ZNF804A: variants seen among roughly 807,000 people sequenced by gnomAD.
ZNF804A encodes the protein zinc finger protein 804A.
ZNF804A carries 2 observed loss-of-function variants against 16.5 expected under a neutral mutation model. The ratio of observed to expected loss-of-function variants is 0.12; its 90% CI spans 0.05 to 0.38. The LOEUF is 0.38. Ranked by LOEUF, ZNF804A falls within the 10% of genes least tolerant of loss-of-function variation. ZNF804A has a pLI of 0.99. For synonymous variants in ZNF804A, 534 were observed against 489.6 expected (o/e 1.09, Z -1.20); for missense variants, 1,473 against 1,390.7 (o/e 1.06, Z -0.94).
At chr2:184,890,356 C>T (rs1029712970) in intron 2 of ZNF804A, among the ~76,000 whole-genome samples, 6 of 152,062 alleles carry the variant, frequency 3.9e-5, no homozygotes, top group African/African-American at 1.4e-4. Flanking sequence ...GCTCATTTGC[C>T]CTGGAGTCCT....
chr2:184,788,913 A>T (rs570984348), intron 1 of ZNF804A, among the ~76,000 whole-genome samples: 1 of 152,026 alleles, frequency 6.6e-6, no homozygotes, highest in South Asian at 2.1e-4. Flanking sequence ...GTTTTGTCTC[A>T]GTTCCTGGGA....
Position 184,937,180 on chromosome 2 carries a change from G to T in ZNF804A, c.1784G>T (p.Arg595Ile). 1 of 1,596,302 alleles carries T rather than the reference G, an allele frequency of 6.3e-7. No individual in the cohort carries two copies. The highest frequency in any genetic ancestry group is 1.7e-4 in the Middle Eastern group (1 of 5,924). ...GAATACTGGTTCCATAAAAGTAGAA[G>T]AAAGAAAAAAAGAAAAAAGTTATGT... ...THEYWFHKSR[R>I]KKKRKKLCQH... Residue 595 changes from arginine (R) to isoleucine (I), a missense_variant, in exon 4 of 4, where the codon AGA becomes ATA. Transcript: ENST00000302277.
intron 1 of ZNF804A, among the ~76,000 whole-genome samples, chr2:184,783,958 A>G (rs1301702605): frequency 6.6e-6 from 1 of 152,036 alleles, no homozygotes; most frequent in African/African-American, 2.4e-5. Flanking sequence ...TTTAGATTGA[A>G]TAAAATGTTA....
chr2:184,807,195 A>G (rs368503073), intron 1 of ZNF804A, among the ~76,000 whole-genome samples: 1 of 152,024 alleles, frequency 6.6e-6, no homozygotes, highest in East Asian at 1.9e-4. Context: ...CTGTCCTGTA[A>G]AAATAGAATG....
At chr2:184,791,420 T>A (rs1694538212) in intron 1 of ZNF804A, among the ~76,000 whole-genome samples, 1 of 152,202 alleles carries the variant, frequency 6.6e-6, no homozygotes, top group African/African-American at 2.4e-5. Flanking sequence ...TTTATGAAGT[T>A]TAGTTTGGCA....
chr2:184,655,207 C>T (rs754852111), intron 1 of ZNF804A, among the ~76,000 whole-genome samples: 8 of 152,140 alleles, frequency 5.3e-5, no homozygotes, highest in Non-Finnish European at 8.8e-5. Flanking sequence ...AGTGTGGCCA[C>T]GTTTTAGATA....
intron 1 of ZNF804A, among the ~76,000 whole-genome samples, chr2:184,668,668 A>G (rs1438054773): frequency 2.0e-5 from 3 of 151,996 alleles, no homozygotes; most frequent in South Asian, 2.1e-4. Context: ...TTGGAAAGTT[A>G]TACTACTTAA....
chr2:184,603,461 C>T (rs1691082099), intron 1 of ZNF804A, among the ~76,000 whole-genome samples: 1 of 152,022 alleles, frequency 6.6e-6, no homozygotes, highest in Admixed American at 6.5e-5. Context: ...CACTATTTGG[C>T]CTTTTGTTTT....
At chr2:184,733,322 G>A (rs1480769229) in intron 1 of ZNF804A, among the ~76,000 whole-genome samples, 3 of 152,092 alleles carry the variant, frequency 2.0e-5, no homozygotes, top group Admixed American at 6.6e-5. Context: ...TGATGTAATA[G>A]ATTACATTAA....
intron 1 of ZNF804A, among the ~76,000 whole-genome samples, chr2:184,753,813 C>T (rs903807295): frequency 6.6e-6 from 1 of 151,794 alleles, no homozygotes; most frequent in African/African-American, 2.4e-5. Flanking sequence ...TATAAGCTAA[C>T]ATGTGGATGA....
chr2:184,906,253 C>A (rs1215082193), intron 2 of ZNF804A, among the ~76,000 whole-genome samples: 2 of 152,076 alleles, frequency 1.3e-5, no homozygotes. Flanking sequence ...ACACAATATT[C>A]AAGCTTTTCT....
At chr2:184,933,852 G>A (rs1685743416) in intron 3 of ZNF804A, 119 bp downstream of exon 3, 2 of 987,266 alleles carry the variant, frequency 2.0e-6, no homozygotes, top group African/African-American at 1.7e-5. Context: ...AGGCACACAT[G>A]TTTTCATGGC....
intron 1 of ZNF804A, among the ~76,000 whole-genome samples, chr2:184,822,585 A>T (rs1176800178): frequency 2.0e-5 from 3 of 152,152 alleles, no homozygotes; most frequent in Non-Finnish European, 2.9e-5. Context: ...TGAGTGAAAG[A>T]GTAGTGTCTA....
intron 2 of ZNF804A, among the ~76,000 whole-genome samples, chr2:184,867,839 C>A (rs1695898411): frequency 6.6e-6 from 1 of 151,946 alleles, no homozygotes; most frequent in South Asian, 2.1e-4. Context: ...AAAGTCATTC[C>A]TCTGATTTTT....
intron 1 of ZNF804A, among the ~76,000 whole-genome samples, chr2:184,615,519 TA>T (rs1227570820): frequency 3.9e-5 from 6 of 151,926 alleles, no homozygotes; most frequent in Admixed American, 1.3e-4. Context: ...CTCTGCTAAA[TA>T]AAAAAAATAA....
chr2:184,932,979 G>A (rs1292556851), intron 2 of ZNF804A, among the ~76,000 whole-genome samples: 1 of 152,110 alleles, frequency 6.6e-6, no homozygotes, highest in Non-Finnish European at 1.5e-5. Flanking sequence ...CCTGCTGTTT[G>A]AGAGAAGGGA....
chr2:184,668,754 A>T (rs1332037536), intron 1 of ZNF804A, among the ~76,000 whole-genome samples: 3 of 152,058 alleles, frequency 2.0e-5, no homozygotes, highest in Non-Finnish European at 4.4e-5. Flanking sequence ...ATTATATATT[A>T]TAAATAGCTA....
chr2:184,879,655 G>A (rs1684777488), intron 2 of ZNF804A, among the ~76,000 whole-genome samples: 1 of 151,944 alleles, frequency 6.6e-6, no homozygotes, highest in Non-Finnish European at 1.5e-5. Flanking sequence ...AGATTTGAAT[G>A]GAAATCAGAA....
chr2:184,775,956 T>C (rs1312784090), intron 1 of ZNF804A, among the ~76,000 whole-genome samples: 1 of 151,610 alleles, frequency 6.6e-6, no homozygotes, highest in East Asian at 1.9e-4. Context: ...CTTAGAAGTA[T>C]GATTACATCT....
Sources: allele counts gnomAD v4.1 joint callset (sites outside exome capture counted in the v4.1 genomes callset), GRCh38; gene constraint gnomAD v4.1.1; transcripts MANE v1.5; gene names NCBI Gene and HGNC (gene_info 2026-07-23, HGNC 2026-07-21).